CIMIP4: variants seen among roughly 807,000 people sequenced by gnomAD.
CIMIP4 encodes the protein protein EAN57.
chr22:36,996,675 T>C, the CIMIP4 span, among the ~76,000 whole-genome samples: 1 of 152,246 alleles, frequency 6.6e-6, no homozygotes, highest in Non-Finnish European at 1.5e-5. Context: ...TGGAAATTTC[T>C]GTTTATTAAT....
the CIMIP4 span, among the ~76,000 whole-genome samples, chr22:37,007,024 T>A: frequency 6.6e-6 from 1 of 152,156 alleles, no homozygotes; most frequent in African/African-American, 2.4e-5. Flanking sequence ...AGCTGGATCC[T>A]GCCATGTGAA....
At chr22:37,006,736 G>C in the CIMIP4 span, among the ~76,000 whole-genome samples, 1 of 152,200 alleles carries the variant, frequency 6.6e-6, no homozygotes, top group African/African-American at 2.4e-5. Flanking sequence ...GTGGCAGGCA[G>C]TTGACATGGC....
the CIMIP4 span, among the ~76,000 whole-genome samples, chr22:37,000,271 C>G: frequency 6.6e-6 from 1 of 152,032 alleles, no homozygotes; most frequent in African/African-American, 2.4e-5. Flanking sequence ...GACGGGGGGT[C>G]TCTATAGGGT....
At chr22:36,993,943 A>G in the CIMIP4 span, among the ~76,000 whole-genome samples, 2 of 152,234 alleles carry the variant, frequency 1.3e-5, no homozygotes, top group East Asian at 3.8e-4. Flanking sequence ...GAGAGGATAA[A>G]CATGGAAGAA....
chr22:36,996,340 G>A, the CIMIP4 span, among the ~76,000 whole-genome samples: 6 of 151,808 alleles, frequency 4.0e-5, no homozygotes, highest in South Asian at 4.2e-4. Flanking sequence ...TTCTGGATAC[G>A]AGATTAATAT....
chr22:36,999,786 A>C, the CIMIP4 span: 1 of 1,573,912 alleles, frequency 6.4e-7, no homozygotes, highest in Non-Finnish European at 8.6e-7. Flanking sequence ...TTCCCTGCCC[A>C]ATGCCTGGGA....
the CIMIP4 span, among the ~76,000 whole-genome samples, chr22:37,000,823 A>C: frequency 1.5e-4 from 23 of 152,282 alleles, no homozygotes; most frequent in African/African-American, 5.3e-4. Flanking sequence ...AATTGGGACA[A>C]GTTCCTCCAA....
the CIMIP4 span, chr22:36,991,193 T>G: frequency 6.2e-7 from 1 of 1,613,996 alleles, no homozygotes; most frequent in South Asian, 1.1e-5. Context: ...TACTTGGAGC[T>G]CTTGGATTTG....
At chr22:37,004,563 A>C in the CIMIP4 span, among the ~76,000 whole-genome samples, 1 of 152,332 alleles carries the variant, frequency 6.6e-6, no homozygotes, top group South Asian at 2.1e-4. Flanking sequence ...GAGAACCAAG[A>C]GCAGGAACCC....
At chr22:36,991,505 G>C in the CIMIP4 span, 1 of 1,614,146 alleles carries the variant, frequency 6.2e-7, no homozygotes, top group Non-Finnish European at 8.5e-7. Context: ...TTCCTGCCAT[G>C]CCAGTGTTCT....
the CIMIP4 span, chr22:37,001,868 T>C: frequency 1.9e-6 from 3 of 1,605,994 alleles, no homozygotes; most frequent in Non-Finnish European, 2.6e-6. Flanking sequence ...GTCCACCACA[T>C]TGCTCCCAAA....
the CIMIP4 span, among the ~76,000 whole-genome samples, chr22:37,003,150 C>G: frequency 6.6e-6 from 1 of 152,254 alleles, no homozygotes; most frequent in Non-Finnish European, 1.5e-5. Context: ...ATCATATCCC[C>G]TGGATGATAA....
the CIMIP4 span, among the ~76,000 whole-genome samples, chr22:37,005,661 T>C: frequency 6.6e-6 from 1 of 152,096 alleles, no homozygotes; most frequent in Admixed American, 6.6e-5. Flanking sequence ...AAGACCCTTG[T>C]TATGTAGTGG....
the CIMIP4 span, among the ~76,000 whole-genome samples, chr22:37,004,668 T>C: frequency 1.3e-5 from 2 of 150,634 alleles, no homozygotes; most frequent in Non-Finnish European, 3.0e-5. Context: ...TTCGTGCTTG[T>C]GTTTTGTTTT....
chr22:36,994,660 C>G, the CIMIP4 span, among the ~76,000 whole-genome samples: 3 of 131,894 alleles, frequency 2.3e-5, no homozygotes, highest in African/African-American at 8.8e-5. Context: ...GAGATGGAGT[C>G]TTGCTCTGTC....
chr22:37,007,408 T>G, the CIMIP4 span: 2 of 152,314 alleles, frequency 1.3e-5, no homozygotes, highest in East Asian at 3.9e-4. Flanking sequence ...TTGCACATCT[T>G]CAAGCTAGGT....
At chr22:37,006,572 G>A in the CIMIP4 span, among the ~76,000 whole-genome samples, 1 of 152,210 alleles carries the variant, frequency 6.6e-6, no homozygotes, top group Non-Finnish European at 1.5e-5. Flanking sequence ...GACACTGGAG[G>A]AGCCTCAGCC....
At chr22:36,996,555 G>A in the CIMIP4 span, among the ~76,000 whole-genome samples, 1 of 151,994 alleles carries the variant, frequency 6.6e-6, no homozygotes, top group African/African-American at 2.4e-5. Flanking sequence ...ATTAATGGAG[G>A]TATATACCAT....
the CIMIP4 span, among the ~76,000 whole-genome samples, chr22:37,000,803 G>C: frequency 6.6e-6 from 1 of 152,212 alleles, no homozygotes; most frequent in African/African-American, 2.4e-5. Context: ...TGACCACAGA[G>C]TCAACCTCAA....
Sources: gnomAD v4.1 joint callset for allele counts (sites outside exome capture counted in the v4.1 genomes callset) on GRCh38, gnomAD v4.1.1 for gene constraint, MANE v1.5 for transcripts, NCBI Gene and HGNC (gene_info 2026-07-23, HGNC 2026-07-21) for gene names.